Variants in KLHL7 observed in about 807,000 individuals in gnomAD.
The protein encoded by KLHL7 is kelch like family member 7, also known as kelch-like protein 7.
Under a neutral mutation model 67.4 loss-of-function variants are expected in KLHL7, and 44 were observed. The observed-to-expected ratio is 0.65, with a 90% confidence interval of 0.51 to 0.84. KLHL7 has a LOEUF of 0.84. Ranked by LOEUF, KLHL7 falls within the 40% of genes least tolerant of loss-of-function variation. KLHL7 has a pLI of 0.00. For synonymous variants in KLHL7, 252 were observed against 243.3 expected (o/e 1.04, Z -0.33); for missense variants, 362 against 718.1 (o/e 0.50, Z 5.67).
intron 6 of KLHL7, among the ~76,000 whole-genome samples, chr7:23,150,269 T>C: frequency 6.6e-6 from 1 of 152,270 alleles, no homozygotes; most frequent in South Asian, 2.1e-4. Context: ...CTGATACCCC[T>C]TTTCCCTACT....
At chr7:23,144,139 G>A in intron 6 of KLHL7, 114 bp downstream of exon 6, 1 of 927,802 alleles carries the variant, frequency 1.1e-6, no homozygotes. Context: ...TCAAGATTTT[G>A]CTCTTCTAGA....
At chr7:23,135,136 T>A (rs1410820934) in intron 4 of KLHL7, among the ~76,000 whole-genome samples, 1 of 152,208 alleles carries the variant, frequency 6.6e-6, no homozygotes, top group Non-Finnish European at 1.5e-5. Flanking sequence ...TATCGTCATT[T>A]GTTACTTGTT....
chr7:23,146,203 C>T (rs1051905308), intron 6 of KLHL7, among the ~76,000 whole-genome samples: 21 of 152,282 alleles, frequency 1.4e-4, no homozygotes, highest in East Asian at 5.8e-4. Context: ...GTCGTTTGTT[C>T]GGTATTTTAG....
chr7:23,160,552 A>G (rs976453232), intron 7 of KLHL7, among the ~76,000 whole-genome samples: 15 of 152,228 alleles, frequency 9.9e-5, no homozygotes, highest in African/African-American at 3.6e-4. Context: ...TTAGCTAATC[A>G]TTAACAGCTA....
At chr7:23,125,524 T>G (rs1210143982) in intron 4 of KLHL7, among the ~76,000 whole-genome samples, 3 of 152,212 alleles carry the variant, frequency 2.0e-5, no homozygotes, top group Non-Finnish European at 4.4e-5. Flanking sequence ...CTATCACAGA[T>G]GAGGCAACTT....
chr7:23,169,512 C>T (rs998136342), intron 9 of KLHL7, among the ~76,000 whole-genome samples: 1 of 152,060 alleles, frequency 6.6e-6, no homozygotes, highest in African/African-American at 2.4e-5. Flanking sequence ...AGTGTTACAG[C>T]ATACTAGTTG....
intron 1 of KLHL7, among the ~76,000 whole-genome samples, chr7:23,114,248 A>G (rs1782996333): frequency 6.6e-6 from 1 of 151,686 alleles, no homozygotes; most frequent in East Asian, 1.9e-4. Context: ...TTTCCCATGT[A>G]GGACATACGA....
intron 4 of KLHL7, among the ~76,000 whole-genome samples, chr7:23,128,958 A>G (rs1388741521): frequency 6.6e-6 from 1 of 152,262 alleles, no homozygotes; most frequent in African/African-American, 2.4e-5. Flanking sequence ...CATTGCATGG[A>G]TATACCAAAA....
intron 4 of KLHL7, among the ~76,000 whole-genome samples, chr7:23,132,479 C>G (rs1783835864): frequency 1.3e-5 from 2 of 152,138 alleles, no homozygotes; most frequent in Non-Finnish European, 2.9e-5. Context: ...AAATCTTTTG[C>G]CCATTTTTTC....
chr7:23,130,261 TATCTC>T (rs780184610), intron 4 of KLHL7, among the ~76,000 whole-genome samples: 2 of 152,196 alleles, frequency 1.3e-5, no homozygotes, highest in African/African-American at 4.8e-5. Context: ...TTGGGGAAAA[TATCTC>T]ATAAGTTTTT....
rs374804428 is a variant in KLHL7 at position 23,174,387 on chromosome 7, G to C, written c.*89G>C. 6.4e-6 allele frequency: 9 copies of C among 1,397,026 alleles called. No homozygotes were observed. Among genetic ancestry groups the C allele is most frequent in the East Asian group, 2.3e-5 (1 of 43,340 alleles). 86.5% of individuals were successfully genotyped at this position (1,397,026 alleles called of 1,614,324 possible). On this transcript the variant is annotated 3_prime_UTR_variant, in exon 11 of 11. Coordinates refer to ENST00000339077, the MANE Select transcript of KLHL7 (RefSeq NM_001031710.3). Reference sequence around the variant, plus strand: ...GAGTTTGGTGACAAAGTTTTGGTTTGGTGTTTTGGTAAAGAAAGTTTCAAG... The same window carrying C: ...GAGTTTGGTGACAAAGTTTTGGTTTCGTGTTTTGGTAAAGAAAGTTTCAAG...
At chr7:23,168,196 C>A in intron 9 of KLHL7, 159 bp downstream of exon 9, 1 of 665,884 alleles carries the variant, frequency 1.5e-6, no homozygotes, top group Non-Finnish European at 2.6e-6. Context: ...ATATTTATGA[C>A]CTGGACCTTT....
chr7:23,166,825 A>C (rs1161929137), intron 8 of KLHL7, among the ~76,000 whole-genome samples: 5 of 152,158 alleles, frequency 3.3e-5, no homozygotes, highest in Non-Finnish European at 7.4e-5. Context: ...TCATTTCTTC[A>C]GCCTTTGCTA....
intron 9 of KLHL7, 30 bp downstream of exon 9, chr7:23,168,067 GTTAACT>G: frequency 6.3e-7 from 1 of 1,588,062 alleles, no homozygotes; most frequent in African/African-American, 1.3e-5. Flanking sequence ...TTATTTTACA[GTTAACT>G]GTATTCTATA....
chr7:23,129,573 G>C (rs1303237838), intron 4 of KLHL7: 2 of 213,218 alleles, frequency 9.4e-6, no homozygotes, highest in Non-Finnish European at 1.9e-5. Flanking sequence ...GCTAGTGGCC[G>C]AGTCGACTAC....
chr7:23,130,449 T>A (rs1048917841), intron 4 of KLHL7, among the ~76,000 whole-genome samples: 4 of 152,336 alleles, frequency 2.6e-5, no homozygotes. Context: ...ATTTTGTTGT[T>A]AAACATACCT....
At chr7:23,156,261 C>T (rs527527107) in intron 7 of KLHL7, 1 of 194,152 alleles carries the variant, frequency 5.2e-6, no homozygotes, top group South Asian at 7.5e-5. Context: ...AATCTTTTTT[C>T]TGAATATTGA....
chr7:23,106,329 G>T, intron 1 of KLHL7, 183 bp downstream of exon 1: 1 of 1,453,544 alleles, frequency 6.9e-7, no homozygotes, highest in Non-Finnish European at 9.1e-7. Flanking sequence ...AACAATTCTC[G>T]AGCAAAAGTG....
intron 4 of KLHL7, among the ~76,000 whole-genome samples, chr7:23,133,712 G>A (rs1219759782): frequency 1.3e-5 from 2 of 152,186 alleles, no homozygotes; most frequent in Non-Finnish European, 2.9e-5. Flanking sequence ...GGGATTACAG[G>A]CATGAACCAC....
Sources: allele counts gnomAD v4.1 joint callset (sites outside exome capture counted in the v4.1 genomes callset), GRCh38; gene constraint gnomAD v4.1.1; transcripts MANE v1.5; gene names NCBI Gene and HGNC (gene_info 2026-07-23, HGNC 2026-07-21).